The following BAZ1A variants were observed in gnomAD, a reference collection of about 807,000 sequenced individuals.
BAZ1A encodes bromodomain adjacent to zinc finger domain protein 1A.
A neutral mutation model predicts 185.2 loss-of-function variants in BAZ1A; 50 were observed. That is an observed-to-expected ratio of 0.27 (90% CI 0.22 to 0.34). BAZ1A has a LOEUF of 0.34. Among genes scored for constraint, BAZ1A ranks in the 10% least tolerant of loss-of-function variants. The probability of loss-of-function intolerance (pLI) is 1.00; values close to 1 mark genes in which losing one functional copy is unlikely to be tolerated. For synonymous variants in BAZ1A, 571 were observed against 615.6 expected (o/e 0.93, Z 1.07); for missense variants, 1,356 against 1,839.9 (o/e 0.74, Z 4.81).
At chr14:34,857,274 G>C (rs2042698350) in intron 3 of BAZ1A, among the ~76,000 whole-genome samples, 1 of 151,886 alleles carries the variant, frequency 6.6e-6, no homozygotes, top group South Asian at 2.1e-4. Flanking sequence ...CCAAAGTGCT[G>C]GGATTACAGG....
rs924852809 is a variant in BAZ1A at position 34,875,308 on chromosome 14, T to C, written c.-229A>G. ...CGGGGAATTGCGTCCCACCGCCACT[T>C]CCCCGCCTCTCGGAGCTCCTGGGAA... On this transcript the variant is annotated 5_prime_UTR_variant, in exon 1 of 27. Transcript: ENST00000360310. 32 of 455,822 alleles carry C rather than the reference T, an allele frequency of 7.0e-5. No individual in the cohort carries two copies. The highest frequency in any genetic ancestry group is 5.8e-4 in the African/African-American group (29 of 50,174). The allele number at this position is 455,822 out of a possible 1,614,324, so 28.2% of individuals were successfully genotyped here.
At chr14:34,849,320 C>T (rs1321413000) in intron 3 of BAZ1A, among the ~76,000 whole-genome samples, 4 of 152,100 alleles carry the variant, frequency 2.6e-5, no homozygotes, top group Admixed American at 1.3e-4. Context: ...AGGCACACAT[C>T]TGTGTGTTCT....
intron 3 of BAZ1A, among the ~76,000 whole-genome samples, chr14:34,848,431 C>T (rs1037590307): frequency 1.3e-5 from 2 of 152,002 alleles, no homozygotes; most frequent in East Asian, 1.9e-4. Flanking sequence ...CATGGTGAAA[C>T]CTCGTCTCTA....
At chr14:34,767,635 C>T (rs918583090) in intron 21 of BAZ1A, among the ~76,000 whole-genome samples, 2 of 152,096 alleles carry the variant, frequency 1.3e-5, no homozygotes, top group Non-Finnish European at 2.9e-5. Context: ...TTTTACTTAT[C>T]TTGGTTTTTA....
chr14:34,836,378 C>CAAAAAAAAAA (rs773500177), intron 3 of BAZ1A, among the ~76,000 whole-genome samples: 1 of 13,130 alleles, frequency 7.6e-5, no homozygotes, highest in Non-Finnish European at 1.2e-4. Flanking sequence ...GACTCCGTCT[C>CAAAAAAAAAA]AAAAAAAAAA....
chr14:34,763,292 C>G (rs1878550357), intron 23 of BAZ1A, among the ~76,000 whole-genome samples: 1 of 152,054 alleles, frequency 6.6e-6, no homozygotes, highest in African/African-American at 2.4e-5. Flanking sequence ...TTCTTAAAAC[C>G]TTGTTTAAAA....
intron 3 of BAZ1A, among the ~76,000 whole-genome samples, chr14:34,859,024 T>C (rs1594909392): frequency 6.6e-6 from 1 of 152,136 alleles, no homozygotes; most frequent in Non-Finnish European, 1.5e-5. Context: ...CAGTGTCTGG[T>C]ATAAAAAAGG....
chr14:34,819,688 A>G (rs559344241), intron 4 of BAZ1A, among the ~76,000 whole-genome samples: 84 of 152,186 alleles, frequency 5.5e-4, no homozygotes, highest in Non-Finnish European at 9.8e-4. Flanking sequence ...AGGACATCTT[A>G]GTTGCTTCAA....
At chr14:34,859,428 C>CAAA (rs33993387) in intron 3 of BAZ1A, among the ~76,000 whole-genome samples, 1 of 130,880 alleles carries the variant, frequency 7.6e-6, no homozygotes. Context: ...CAGACCCTGT[C>CAAA]AAAAAAAAAA....
At chr14:34,776,545 A>G (rs1424628014) in intron 17 of BAZ1A, 30 bp from the exon 18 acceptor site, 4 of 1,513,998 alleles carry the variant, frequency 2.6e-6, no homozygotes, top group African/African-American at 1.4e-5. Context: ...TTTCATCATC[A>G]TCATATTTCA....
At chr14:34,843,987 C>T (rs1303179664) in intron 3 of BAZ1A, among the ~76,000 whole-genome samples, 1 of 151,644 alleles carries the variant, frequency 6.6e-6, no homozygotes, top group Non-Finnish European at 1.5e-5. Flanking sequence ...GGGCGGATCA[C>T]GAGGTCAGGA....
At chr14:34,759,330 G>T (rs924635563) in intron 24 of BAZ1A, among the ~76,000 whole-genome samples, 3 of 151,670 alleles carry the variant, frequency 2.0e-5, no homozygotes, top group African/African-American at 7.3e-5. Flanking sequence ...ATAGGCACCC[G>T]CCACGGCGCC....
chr14:34,836,097 AGGCCGGGCGCGGTGGCTC>A (rs2042325728), intron 3 of BAZ1A, among the ~76,000 whole-genome samples: 1 of 97,366 alleles, frequency 1.0e-5, no homozygotes, highest in Non-Finnish European at 2.4e-5. Context: ...AACTTTCTAT[AGGCCGGGCGCGGTGGCTC>A]ACGCCTGTAA....
rs2042344418 is a variant in BAZ1A at position 34,837,225 on chromosome 14, GAT to G, written c.393-11071_393-11070del. Among the ~76,000 whole-genome samples the G allele has an allele frequency of 2.6e-5, 4 of 151,560 alleles. No homozygotes were observed. In the East Asian group the frequency reaches 7.8e-4, roughly 29 times the overall value. On this transcript the variant is annotated intron_variant, in intron 3 of 26. Coordinates refer to ENST00000360310, the MANE Select transcript of BAZ1A (RefSeq NM_013448.3). ...CTGAAGACTAAATCCATTATTAAAA[GAT>G]ATATATAATACTAATAAGTCTCTTT...
At chr14:34,754,770 T>A in intron 26 of BAZ1A, 57 bp downstream of exon 26, 1 of 1,197,656 alleles carries the variant, frequency 8.3e-7, no homozygotes, top group Admixed American at 2.3e-5. Flanking sequence ...ATATCAAAGA[T>A]GCTATAACAA....
At chr14:34,765,900 C>CT (rs1231501457) in intron 21 of BAZ1A, among the ~76,000 whole-genome samples, 2 of 152,188 alleles carry the variant, frequency 1.3e-5, no homozygotes, top group Non-Finnish European at 2.9e-5. Context: ...CCACTTCAAT[C>CT]TTTAATATTG....
intron 25 of BAZ1A, chr14:34,758,416 C>T (rs1328625263): frequency 1.2e-5 from 3 of 252,812 alleles, no homozygotes; most frequent in African/African-American, 6.9e-5. Flanking sequence ...CCCGTCTCTA[C>T]TAAAAATAGA....
Position 34,821,938 on chromosome 14 carries a change from C to T in BAZ1A, c.536+4075G>A, listed in dbSNP as rs139841228. 4.4e-3 allele frequency among the ~76,000 whole-genome samples: 665 copies of T among 151,752 alleles called. 6 individuals carry two copies. Among genetic ancestry groups the T allele is most frequent in the Middle Eastern group, 6.8e-3 (2 of 294 alleles). On this transcript the variant is annotated intron_variant, in intron 4 of 26. Transcript: ENST00000360310. ...GGCAGAGGTTGCAGTAAGCCAAGATCGCACCATTGCACTCCAGCCTGCCCA... is the reference window on the plus strand; with the variant it reads ...GGCAGAGGTTGCAGTAAGCCAAGATTGCACCATTGCACTCCAGCCTGCCCA...
intron 3 of BAZ1A, among the ~76,000 whole-genome samples, chr14:34,847,285 A>C (rs1440815134): frequency 1.3e-5 from 2 of 152,094 alleles, no homozygotes; most frequent in African/African-American, 4.8e-5. Flanking sequence ...GGGTTTACTG[A>C]AAACAATGCT....
Sources: allele counts gnomAD v4.1 joint callset (sites outside exome capture counted in the v4.1 genomes callset), GRCh38; gene constraint gnomAD v4.1.1; transcripts MANE v1.5; gene names NCBI Gene and HGNC (gene_info 2026-07-23, HGNC 2026-07-21).